The following PPP1R12A variants were observed in gnomAD, a reference collection of about 807,000 sequenced individuals.
PPP1R12A encodes the protein protein phosphatase 1 regulatory subunit 12A.
Under a neutral mutation model 139.6 loss-of-function variants are expected in PPP1R12A, and 19 were observed. The ratio of observed to expected loss-of-function variants is 0.14; its 90% CI spans 0.09 to 0.20. The LOEUF (loss-of-function observed/expected upper bound fraction) is 0.20. Among genes scored for constraint, PPP1R12A ranks in the 10% least tolerant of loss-of-function variants. The probability of loss-of-function intolerance (pLI) is 1.00; values close to 1 mark genes in which losing one functional copy is unlikely to be tolerated. For missense variants in PPP1R12A, 925 were observed against 1,211.5 expected (o/e 0.76, Z 3.51); for synonymous variants, 427 against 420.6 (o/e 1.02, Z -0.19).
chr12:79,875,683 T>C (rs1038715551), intron 1 of PPP1R12A, among the ~76,000 whole-genome samples: 5 of 152,218 alleles, frequency 3.3e-5, no homozygotes, highest in Non-Finnish European at 5.9e-5. Flanking sequence ...GCTACCCATT[T>C]AAATGTATAA....
chr12:79,817,567 T>C, intron 8 of PPP1R12A, 49 bp from the exon 9 acceptor site: 1 of 1,486,178 alleles, frequency 6.7e-7, no homozygotes, highest in Non-Finnish European at 9.0e-7. Context: ...ATATTTGGTC[T>C]CAATGGCTGG....
intron 2 of PPP1R12A, among the ~76,000 whole-genome samples, chr12:79,862,547 T>C (rs1290135474): frequency 1.3e-5 from 2 of 152,058 alleles, no homozygotes; most frequent in South Asian, 2.1e-4. Flanking sequence ...TTCTAACCCA[T>C]AGCAAGAAAG....
intron 2 of PPP1R12A, among the ~76,000 whole-genome samples, chr12:79,865,755 T>G (rs1243058197): frequency 6.6e-6 from 1 of 152,112 alleles, no homozygotes; most frequent in Non-Finnish European, 1.5e-5. Flanking sequence ...GGAATACAAC[T>G]TATAAGCGAT....
At chr12:79,839,928 T>A (rs1024372046) in intron 3 of PPP1R12A, among the ~76,000 whole-genome samples, 3 of 152,222 alleles carry the variant, frequency 2.0e-5, no homozygotes, top group Non-Finnish European at 4.4e-5. Context: ...TTTTTTATAA[T>A]TATTAAAATC....
chr12:79,800,375 T>C (rs965877533), intron 14 of PPP1R12A, among the ~76,000 whole-genome samples: 1 of 148,960 alleles, frequency 6.7e-6, no homozygotes, highest in Non-Finnish European at 1.5e-5. Flanking sequence ...ACTTAATGAG[T>C]AGTAAATACA....
chr12:79,802,580 TG>T (rs1322847880), intron 14 of PPP1R12A, among the ~76,000 whole-genome samples: 2 of 152,054 alleles, frequency 1.3e-5, no homozygotes, highest in Non-Finnish European at 2.9e-5. Context: ...GCCAGGAGTT[TG>T]AGACCAGCCT....
At chr12:79,801,012 C>G (rs1873068297) in intron 14 of PPP1R12A, among the ~76,000 whole-genome samples, 1 of 151,438 alleles carries the variant, frequency 6.6e-6, no homozygotes, top group Non-Finnish European at 1.5e-5. Context: ...GGATTACAGG[C>G]ATGAGCCACT....
rs978183287 is a variant in PPP1R12A, at chr12:79,913,444, C to T, written c.237+21251G>A. Reference sequence around the variant, plus strand: ...AGACAGGTTGACAAGACTCTCTTTTCCCCACTTTTCTGAAATGCCACCTTT... The same window carrying T: ...AGACAGGTTGACAAGACTCTCTTTTTCCCACTTTTCTGAAATGCCACCTTT... On this transcript the variant is annotated intron_variant, in intron 1 of 24. Coordinates refer to ENST00000450142, the MANE Select transcript of PPP1R12A (RefSeq NM_002480.3). Among the ~76,000 whole-genome samples, 6 of 152,286 alleles carry T rather than the reference C, an allele frequency of 3.9e-5. No homozygotes were observed. In the East Asian group the frequency reaches 5.8e-4, roughly 15 times the overall value.
At chr12:79,776,079 T>A in intron 24 of PPP1R12A, 64 bp from the exon 25 acceptor site, 1 of 990,444 alleles carries the variant, frequency 1.0e-6, no homozygotes, top group Non-Finnish European at 1.5e-6. Context: ...ACATTATTCT[T>A]AATAAATGTT....
chr12:79,819,144 T>C (rs191683536), intron 8 of PPP1R12A: 1 of 152,260 alleles, frequency 6.6e-6, no homozygotes, highest in East Asian at 1.9e-4. Context: ...AGAAACTGAG[T>C]AGAGAGCAAT....
At chr12:79,911,107 G>A (rs1473343167) in intron 1 of PPP1R12A, among the ~76,000 whole-genome samples, 1 of 152,170 alleles carries the variant, frequency 6.6e-6, no homozygotes, top group Non-Finnish European at 1.5e-5. Context: ...TCTTTCTGCA[G>A]TAGCCCTTAG....
chr12:79,920,156 A>G (rs1208013513), intron 1 of PPP1R12A, among the ~76,000 whole-genome samples: 3 of 152,202 alleles, frequency 2.0e-5, no homozygotes, highest in Non-Finnish European at 4.4e-5. Context: ...GGCTTCTTTC[A>G]CTTAGCATGT....
chr12:79,894,778 T>C (rs1884982266), intron 1 of PPP1R12A, among the ~76,000 whole-genome samples: 1 of 152,240 alleles, frequency 6.6e-6, no homozygotes, highest in Non-Finnish European at 1.5e-5. Context: ...TATTACACTC[T>C]GCTGTTACAC....
chr12:79,792,279 C>A (rs1871973420), intron 19 of PPP1R12A, among the ~76,000 whole-genome samples: 1 of 152,114 alleles, frequency 6.6e-6, no homozygotes, highest in Non-Finnish European at 1.5e-5. Context: ...TGACACATGG[C>A]CCATGTTGGT....
At chr12:79,778,284 C>T in intron 24 of PPP1R12A, 1 of 235,718 alleles carries the variant, frequency 4.2e-6, no homozygotes, top group East Asian at 7.9e-5. Context: ...AAAAGTGCTA[C>T]ACAAATTAAT....
chr12:79,806,609 C>T (rs1873868807), intron 12 of PPP1R12A, among the ~76,000 whole-genome samples: 1 of 152,152 alleles, frequency 6.6e-6, no homozygotes, highest in Admixed American at 6.5e-5. Context: ...TATTCCACAC[C>T]ATATGGTCAT....
At chr12:79,917,434 G>A (rs897969789) in intron 1 of PPP1R12A, among the ~76,000 whole-genome samples, 1 of 143,132 alleles carries the variant, frequency 7.0e-6, no homozygotes, top group Non-Finnish European at 1.5e-5. Flanking sequence ...GCAGTGAGCC[G>A]AGATCGTGCC....
At chr12:79,840,359 C>T (rs993711716) in intron 3 of PPP1R12A, among the ~76,000 whole-genome samples, 1 of 152,204 alleles carries the variant, frequency 6.6e-6, no homozygotes, top group Admixed American at 6.5e-5. Context: ...AGCTTTTCGT[C>T]TCCAGGGTCA....
chr12:79,919,399 A>G (rs1001979759), intron 1 of PPP1R12A, among the ~76,000 whole-genome samples: 2 of 151,802 alleles, frequency 1.3e-5, no homozygotes, highest in African/African-American at 4.8e-5. Flanking sequence ...TACTAAAAAT[A>G]CAAAAATTAG....
Sources: allele counts gnomAD v4.1 joint callset (sites outside exome capture counted in the v4.1 genomes callset), GRCh38; gene constraint gnomAD v4.1.1; transcripts MANE v1.5; gene names NCBI Gene and HGNC (gene_info 2026-07-23, HGNC 2026-07-21).